Variants in REDIC1 observed in about 807,000 individuals in gnomAD.
The protein encoded by REDIC1 is HEI10 Interacting Protein 1.
the REDIC1 span, among the ~76,000 whole-genome samples, chr12:39,701,003 C>G: frequency 4.0e-5 from 6 of 149,636 alleles, no homozygotes; most frequent in African/African-American, 1.5e-4. Flanking sequence ...TAAAGACCAT[C>G]GAGACTAGGA....
At chr12:39,812,250 A>T in the REDIC1 span, among the ~76,000 whole-genome samples, 3 of 152,088 alleles carry the variant, frequency 2.0e-5, no homozygotes, top group African/African-American at 7.2e-5. Context: ...AAAGGCACTT[A>T]TCCCATTTAT....
At chr12:39,823,826 C>T in the REDIC1 span, among the ~76,000 whole-genome samples, 8 of 152,148 alleles carry the variant, frequency 5.3e-5, no homozygotes, top group Non-Finnish European at 1.0e-4. Flanking sequence ...TACTGAAGCA[C>T]ATGGTTAAGT....
At chr12:39,714,931 ATTAT>A in the REDIC1 span, among the ~76,000 whole-genome samples, 4 of 151,492 alleles carry the variant, frequency 2.6e-5, no homozygotes, top group Non-Finnish European at 4.4e-5. Flanking sequence ...TTCTTACTGA[ATTAT>A]TTGAGTTCCT....
the REDIC1 span, chr12:39,646,702 TAGTA>T: frequency 1.7e-6 from 1 of 580,132 alleles, no homozygotes; most frequent in Non-Finnish European, 2.8e-6. Flanking sequence ...TTATAAAACT[TAGTA>T]ATATTATGAC....
chr12:39,714,249 A>G, the REDIC1 span, among the ~76,000 whole-genome samples: 1 of 147,490 alleles, frequency 6.8e-6, no homozygotes, highest in East Asian at 2.0e-4. Context: ...ATATGTATAT[A>G]CGTATATGCA....
chr12:39,720,788 C>A, the REDIC1 span: 2 of 1,599,324 alleles, frequency 1.3e-6, no homozygotes, highest in South Asian at 1.1e-5. Context: ...TCTTTTTAGC[C>A]ATCTGAAGAT....
At chr12:39,694,631 T>A in the REDIC1 span, among the ~76,000 whole-genome samples, 179 of 152,300 alleles carry the variant, frequency 1.2e-3, no homozygotes, top group African/African-American at 4.2e-3. Flanking sequence ...TGGGCTAAAG[T>A]GCTCTGGTGC....
chr12:39,803,934 T>A, the REDIC1 span, among the ~76,000 whole-genome samples: 1 of 151,796 alleles, frequency 6.6e-6, no homozygotes. Flanking sequence ...TCAAGATACA[T>A]CAGTATGAAG....
the REDIC1 span, among the ~76,000 whole-genome samples, chr12:39,692,900 C>A: frequency 6.6e-6 from 1 of 152,000 alleles, no homozygotes; most frequent in Non-Finnish European, 1.5e-5. Context: ...CAGTTGTACC[C>A]CTCTTAGCAA....
the REDIC1 span, among the ~76,000 whole-genome samples, chr12:39,719,847 TTAGGA>T: frequency 2.0e-5 from 3 of 152,138 alleles, no homozygotes; most frequent in Admixed American, 6.6e-5. Context: ...GCCAGAATAT[TTAGGA>T]TATCCATCCC....
At chr12:39,814,840 A>G in the REDIC1 span, among the ~76,000 whole-genome samples, 14 of 152,158 alleles carry the variant, frequency 9.2e-5, no homozygotes, top group African/African-American at 3.4e-4. Context: ...CATTATCACA[A>G]TTATGCATAT....
chr12:39,762,560 G>A, the REDIC1 span, among the ~76,000 whole-genome samples: 1 of 152,002 alleles, frequency 6.6e-6, no homozygotes, highest in Admixed American at 6.6e-5. Flanking sequence ...AGGCAGACCT[G>A]TGTAAGCAAT....
the REDIC1 span, among the ~76,000 whole-genome samples, chr12:39,713,724 C>G: frequency 6.7e-6 from 1 of 148,824 alleles, no homozygotes; most frequent in Non-Finnish European, 1.5e-5. Flanking sequence ...TGCCTGTATA[C>G]ATGCGTATAT....
At chr12:39,906,268 T>C in the REDIC1 span, among the ~76,000 whole-genome samples, 1 of 152,172 alleles carries the variant, frequency 6.6e-6, no homozygotes, top group Non-Finnish European at 1.5e-5. Flanking sequence ...GGCAAATTAC[T>C]ACCTGAATTA....
the REDIC1 span, chr12:39,646,315 A>T: frequency 8.8e-6 from 8 of 912,858 alleles, no homozygotes; most frequent in African/African-American, 1.4e-4. Flanking sequence ...ATAATTATAT[A>T]TTTTTTATTA....
At chr12:39,692,104 A>T in the REDIC1 span, 239,504 of 1,562,626 alleles carry the variant, frequency 0.15, 19,466 homozygotes, top group East Asian at 0.18. Context: ...ATATCTACTA[A>T]GAAAATCTGT....
At chr12:39,632,289 G>C in the REDIC1 span, among the ~76,000 whole-genome samples, 1 of 151,740 alleles carries the variant, frequency 6.6e-6, no homozygotes, top group Admixed American at 6.6e-5. Context: ...GTAGAGACAG[G>C]GTTTCACCAT....
chr12:39,809,332 A>C, the REDIC1 span, among the ~76,000 whole-genome samples: 11 of 152,172 alleles, frequency 7.2e-5, no homozygotes, highest in Admixed American at 1.3e-4. Context: ...AAGTCTTGAA[A>C]TCAGATAGGG....
chr12:39,668,665 C>T, the REDIC1 span, among the ~76,000 whole-genome samples: 12 of 152,162 alleles, frequency 7.9e-5, no homozygotes, highest in South Asian at 8.3e-4. Flanking sequence ...AACTCGGTTC[C>T]GTTCTCCCTG....
Sources: allele counts gnomAD v4.1 joint callset (sites outside exome capture counted in the v4.1 genomes callset), GRCh38; gene constraint gnomAD v4.1.1; transcripts MANE v1.5; gene names NCBI Gene and HGNC (gene_info 2026-07-23, HGNC 2026-07-21).